Variants in PPP3R1 observed in about 807,000 individuals in gnomAD.
PPP3R1 encodes the protein protein phosphatase 3 regulatory subunit B, alpha, also known as calcineurin subunit B type 1.
In PPP3R1, 5 loss-of-function variants were observed where a neutral mutation model predicts 22.6. The ratio of observed to expected loss-of-function variants is 0.22; its 90% confidence interval spans 0.12 to 0.46. The LOEUF is 0.46. Ranked by LOEUF, PPP3R1 falls within the 20% of genes least tolerant of loss-of-function variation. The pLI is 0.99. For missense variants in PPP3R1, 61 were observed against 203.2 expected, an observed-to-expected ratio of 0.30 and a Z score of 4.25; for synonymous variants, 56 against 65.2, an observed-to-expected ratio of 0.86 and a Z score of 0.68.
At chr2:68,243,106 C>A (rs1670164623) in intron 1 of PPP3R1, among the ~76,000 whole-genome samples, 1 of 152,108 alleles carries the variant, frequency 6.6e-6, no homozygotes, top group South Asian at 2.1e-4. Flanking sequence ...TTACTACTTA[C>A]AAGAAATATT....
Position 68,187,270 on chromosome 2 carries a change from C to A in PPP3R1, c.265G>T (p.Glu89Ter). 6.2e-7 allele frequency: 1 copy of A among 1,610,036 alleles called. No homozygotes were observed. The highest frequency in any genetic ancestry group is 1.1e-5 in the South Asian group (1 of 90,242). Reference protein sequence around the residue: ...VSQFSVKGDKEQKLRFAFRIY... With the variant: ...VSQFSVKGDK Reference sequence around the variant, plus strand: ...AAATACTTACACCTCAATTTCTGCTCCTTATCTCCTTTGACACTGAACTGA... The same window carrying A: ...AAATACTTACACCTCAATTTCTGCTACTTATCTCCTTTGACACTGAACTGA... Residue 89 changes from glutamate (E) to a stop codon, truncating the protein, a stop_gained, in exon 4 of 6, where the codon GAG becomes TAG. Coordinates refer to ENST00000234310, the MANE Select transcript of PPP3R1 (RefSeq NM_000945.4). LOFTEE classifies it high-confidence loss of function.
intron 2 of PPP3R1, among the ~76,000 whole-genome samples, chr2:68,215,103 G>A (rs1470513748): frequency 6.6e-6 from 1 of 152,040 alleles, no homozygotes; most frequent in East Asian, 1.9e-4. Flanking sequence ...ACACAAAAAT[G>A]GGAACAACAG....
At chr2:68,189,049 G>T (rs979352502) in intron 2 of PPP3R1, among the ~76,000 whole-genome samples, 1 of 152,180 alleles carries the variant, frequency 6.6e-6, no homozygotes, top group Non-Finnish European at 1.5e-5. Flanking sequence ...ATGCTAAGCT[G>T]ATCACGGAGG....
At chr2:68,218,981 A>G (rs934685578) in intron 1 of PPP3R1, among the ~76,000 whole-genome samples, 2 of 152,168 alleles carry the variant, frequency 1.3e-5, no homozygotes, top group African/African-American at 4.8e-5. Context: ...CCATTAACAA[A>G]GAATAACTCG....
intron 2 of PPP3R1, among the ~76,000 whole-genome samples, chr2:68,216,242 T>C (rs2103769783): frequency 6.6e-6 from 1 of 152,220 alleles, no homozygotes; most frequent in South Asian, 2.1e-4. Flanking sequence ...TGCAAATTAA[T>C]TCTAAATTAA....
chr2:68,195,862 G>C (rs1674755279), intron 2 of PPP3R1, among the ~76,000 whole-genome samples: 1 of 151,078 alleles, frequency 6.6e-6, no homozygotes, highest in Admixed American at 6.6e-5. Context: ...CTTCAGGTTG[G>C]CTCCTATGCG....
intron 1 of PPP3R1, among the ~76,000 whole-genome samples, chr2:68,238,327 T>C (rs1670054852): frequency 6.6e-6 from 1 of 152,154 alleles, no homozygotes; most frequent in Non-Finnish European, 1.5e-5. Context: ...CAAATGGCCA[T>C]TAACTGCCTG....
chr2:68,182,422 T>G (rs549125799), intron 5 of PPP3R1, among the ~76,000 whole-genome samples: 1 of 152,214 alleles, frequency 6.6e-6, no homozygotes, highest in East Asian at 1.9e-4. Context: ...CTCTTAAGAT[T>G]TTTAGCTTTC....
intron 1 of PPP3R1, among the ~76,000 whole-genome samples, chr2:68,230,011 C>CAT (rs1313748695): frequency 3.8e-4 from 53 of 139,554 alleles, no homozygotes; most frequent in African/African-American, 8.8e-4. Flanking sequence ...CACACACACA[C>CAT]ATATATATTT....
intron 1 of PPP3R1, among the ~76,000 whole-genome samples, chr2:68,246,030 TCCCTTTTTA>T (rs995929317): frequency 1.3e-5 from 2 of 150,752 alleles, no homozygotes; most frequent in African/African-American, 2.4e-5. Flanking sequence ...AGATAATCTC[TCCCTTTTTA>T]CCCTTTTTAC....
intron 2 of PPP3R1, among the ~76,000 whole-genome samples, chr2:68,194,095 T>C (rs540235088): frequency 6.6e-6 from 1 of 152,110 alleles, no homozygotes; most frequent in Non-Finnish European, 1.5e-5. Flanking sequence ...CAGTTGAAAA[T>C]GCCTACATAT....
chr2:68,199,992 T>C (rs1408798255), intron 2 of PPP3R1, among the ~76,000 whole-genome samples: 1 of 152,210 alleles, frequency 6.6e-6, no homozygotes, highest in Admixed American at 6.5e-5. Flanking sequence ...TTCTTTCTTT[T>C]CATTAAATTT....
At chr2:68,252,074 G>A in intron 1 of PPP3R1, 51 bp downstream of exon 1, 1 of 1,383,798 alleles carries the variant, frequency 7.2e-7, no homozygotes, top group Non-Finnish European at 9.6e-7. Flanking sequence ...ACCCGACCCG[G>A]ACGGCGGCAG....
At chr2:68,210,050 C>T (rs1010042629) in intron 2 of PPP3R1, among the ~76,000 whole-genome samples, 13 of 152,064 alleles carry the variant, frequency 8.5e-5, no homozygotes, top group African/African-American at 2.9e-4. Flanking sequence ...GAAGTGACAC[C>T]TCATCTCAAG....
Position 68,202,792 on chromosome 2 carries a change from A to ATTTTTTTTTTTTTTTTTTTT in PPP3R1, c.44-14122_44-14103dup, listed in dbSNP as rs71395958. 4.9e-5 allele frequency among the ~76,000 whole-genome samples: 4 copies of ATTTTTTTTTTTTTTTTTTTT among 81,214 alleles called. 2 individuals carry two copies. Among genetic ancestry groups the ATTTTTTTTTTTTTTTTTTTT allele is most frequent in the African/African-American group, 2.5e-4 (4 of 16,168 alleles). 53.3% of individuals were successfully genotyped at this position (81,214 alleles called of 152,430 possible). A position where few individuals can be genotyped will look rare whatever the true frequency, so the allele number is the denominator to read the frequency against. On this transcript the variant is annotated intron_variant, in intron 2 of 5. Transcript: ENST00000234310. ...TAATATATACTAGAGAGTTCAGGGAATTTTTTTTTTTTTTTTTTTTTTTTT... is the reference window on the plus strand; with the variant it reads ...TAATATATACTAGAGAGTTCAGGGAATTTTTTTTTTTTTTTTTTTTTTTTTTTTTTTTTTTTTTTTTTTTT...
intron 1 of PPP3R1, among the ~76,000 whole-genome samples, chr2:68,228,399 TG>T (rs936685931): frequency 4.6e-5 from 7 of 152,298 alleles, no homozygotes; most frequent in Admixed American, 6.5e-5. Context: ...TATTTCACAC[TG>T]GAAGAGGTGT....
rs558768977 is a variant in PPP3R1, at chr2:68,180,496, A to C, written c.*467T>G. 2 of 152,866 alleles carry C rather than the reference A, an allele frequency of 1.3e-5. No homozygotes were observed. Among genetic ancestry groups the C allele is most frequent in the African/African-American group, 4.8e-5 (2 of 41,564 alleles). 9.5% of individuals were successfully genotyped at this position (152,866 alleles called of 1,614,324 possible). On this transcript the variant is annotated 3_prime_UTR_variant, in exon 6 of 6. Coordinates refer to ENST00000234310, the MANE Select transcript of PPP3R1 (RefSeq NM_000945.4). ...TTGTACAGTCTTCTATCTATATATA[A>C]AACTGTGTGAAATAAAAGTAAGGAT...
At chr2:68,191,575 T>C (rs987473469) in intron 2 of PPP3R1, among the ~76,000 whole-genome samples, 10 of 152,242 alleles carry the variant, frequency 6.6e-5, no homozygotes, top group African/African-American at 2.2e-4. Flanking sequence ...GCTACACTAA[T>C]GATGCATTAC....
intron 2 of PPP3R1, among the ~76,000 whole-genome samples, chr2:68,209,671 T>A (rs895969281): frequency 6.6e-6 from 1 of 151,752 alleles, no homozygotes; most frequent in Admixed American, 6.6e-5. Flanking sequence ...GGTAGGAGAA[T>A]CGCTTGAGCC....
Sources: gnomAD v4.1 joint callset for allele counts (sites outside exome capture counted in the v4.1 genomes callset) on GRCh38, gnomAD v4.1.1 for gene constraint, MANE v1.5 for transcripts, NCBI Gene and HGNC (gene_info 2026-07-23, HGNC 2026-07-21) for gene names.